DZIP1L: variants seen among roughly 807,000 people sequenced by gnomAD.
The protein encoded by DZIP1L is DAZ interacting zinc finger protein 1 like, also known as cilium assembly protein DZIP1L.
In DZIP1L, 90 loss-of-function variants were observed where a neutral mutation model predicts 88.7. That is an observed-to-expected ratio of 1.02 (90% CI 0.86 to 1.21). The LOEUF is 1.21. DZIP1L is among the 50% of genes most tolerant of loss of function. The probability of loss-of-function intolerance (pLI) is 0.00; values close to 1 mark genes in which losing one functional copy is unlikely to be tolerated. For synonymous variants in DZIP1L, 363 were observed against 372.1 expected, an observed-to-expected ratio of 0.98 and a Z score of 0.28; for missense variants, 932 against 955.8, an observed-to-expected ratio of 0.98 and a Z score of 0.33.
rs537225540 is a variant in DZIP1L at position 138,112,598 on chromosome 3, G to C, written c.-82+2730C>G. 2.6e-5 allele frequency: 4 copies of C among 152,268 alleles called. No individual in the cohort carries two copies. In the South Asian group the frequency reaches 8.3e-4, roughly 32 times the overall value. 9.4% of individuals were successfully genotyped at this position (152,268 alleles called of 1,614,324 possible). A position where few individuals can be genotyped will look rare whatever the true frequency, so the allele number is the denominator to read the frequency against. ...CAAGGACATCGTGCTTTTTTCAGAC[G>C]AATTGTGAGCAGACTGCTTTTCCCA... is the stretch of plus-strand genomic sequence containing the variant. On this transcript the variant is annotated intron_variant, in intron 1 of 15. Transcript: ENST00000327532.
chr3:138,092,862 G>GTCTA (rs1315856483), intron 4 of DZIP1L, among the ~76,000 whole-genome samples: 26 of 152,164 alleles, frequency 1.7e-4, no homozygotes, highest in African/African-American at 5.8e-4. Context: ...CCACTTCTAA[G>GTCTA]TCTAGTTCTC....
chr3:138,097,190 AAAAAGAAAAG>A lies in DZIP1L; in HGVS notation c.586+563_586+572del, dbSNP rs976040573. ...GAGTGAGACCCTGTCTCAAAAAAAAAAAAAGAAAAGAAAAGAAAAGTGAATGTAAAATATG... is the reference window on the plus strand; with the variant it reads ...GAGTGAGACCCTGTCTCAAAAAAAAAAAAAGAAAAGTGAATGTAAAATATG... On this transcript the variant is annotated intron_variant, in intron 3 of 15. Coordinates refer to ENST00000327532, the MANE Select transcript of DZIP1L (RefSeq NM_173543.3). Among the ~76,000 whole-genome samples the A allele has an allele frequency of 1.3e-4, 20 of 152,228 alleles. No homozygotes were observed. The East Asian group carries it at 3.9e-3, about 29-fold the overall frequency.
chr3:138,087,103 C>T (rs2107793271), intron 6 of DZIP1L, 80 bp from the exon 7 acceptor site: 2 of 1,357,768 alleles, frequency 1.5e-6, no homozygotes, highest in South Asian at 1.2e-5. Context: ...GTTAAAAGTA[C>T]TGGCTCATGG....
At chr3:138,088,290 T>C in intron 6 of DZIP1L, 89 bp downstream of exon 6, 4 of 1,459,392 alleles carry the variant, frequency 2.7e-6, no homozygotes, top group Non-Finnish European at 3.6e-6. Context: ...GTCCTTCAAC[T>C]TCTCTACATT....
In DZIP1L at chr3:138,063,701, C is replaced by T. The variant is rs1214929736; in HGVS notation, c.2143-724G>A. On this transcript the variant is annotated intron_variant, in intron 15 of 15. Transcript: ENST00000327532. This position sits in a 1 kb window ranked among gnomAD's most constrained non-coding sequence, Gnocchi z 4.1. ...AGGGCAGCAAGCATGCTCTGAGCGG[C>T]GCCTCAATCTGTTTGGGGCTGTTGG... is the stretch of plus-strand genomic sequence containing the variant. Among the ~76,000 whole-genome samples, 2 of 152,224 alleles carry T rather than the reference C, an allele frequency of 1.3e-5. No individual in the cohort carries two copies. Among genetic ancestry groups the T allele is most frequent in the East Asian group, 1.9e-4 (1 of 5,194 alleles).
intron 14 of DZIP1L, among the ~76,000 whole-genome samples, chr3:138,066,809 A>C (rs1942922787): frequency 6.6e-6 from 1 of 151,532 alleles, no homozygotes; most frequent in Admixed American, 6.6e-5. Flanking sequence ...TTCCCCACAT[A>C]CTACCCTCTC....
chr3:138,064,289 T>C lies in DZIP1L; in HGVS notation c.2142+339A>G, dbSNP rs890578303. 4.6e-6 allele frequency: 5 copies of C among 1,094,802 alleles called. No individual in the cohort carries two copies. The African/African-American group carries it at 8.2e-5, about 18-fold the overall frequency. 67.8% of individuals were successfully genotyped at this position (1,094,802 alleles called of 1,614,324 possible). A position where few individuals can be genotyped will look rare whatever the true frequency, so the allele number is the denominator to read the frequency against. On this transcript the variant is annotated intron_variant, in intron 15 of 15. Transcript: ENST00000327532. ...AGTGAGGGACTGGGGAGGAGCCCAC[T>C]GTGGGATGAGACCGGGCTGGAAGAG...
intron 10 of DZIP1L, among the ~76,000 whole-genome samples, chr3:138,078,712 C>T (rs1943518882): frequency 6.6e-6 from 1 of 152,210 alleles, no homozygotes. Flanking sequence ...TCCTCCCCTA[C>T]CACCCATTCA....
rs1488519692 is a variant in DZIP1L, at chr3:138,103,792, A to T, written c.180T>A (p.Ala60=). The T allele has an allele frequency of 6.2e-7, 1 of 1,614,166 alleles. No individual in the cohort carries two copies. Residue 60 remains alanine, a synonymous_variant, in exon 2 of 16, where the codon GCT becomes GCA. Coordinates refer to ENST00000327532, the MANE Select transcript of DZIP1L (RefSeq NM_173543.3). ...GGTCCAAGTTGCAGAAGGTGATGCCAGCAATATTCTCCTGCAGAGTGGCCA... is the reference window on the plus strand; with the variant it reads ...GGTCCAAGTTGCAGAAGGTGATGCCTGCAATATTCTCCTGCAGAGTGGCCA... ...LDVATLQENI[A]GITFCNLDRE... is the part of the protein sequence containing the mutation.
chr3:138,070,729 C>G (rs897062429), intron 12 of DZIP1L, among the ~76,000 whole-genome samples: 1 of 152,208 alleles, frequency 6.6e-6, no homozygotes, highest in Non-Finnish European at 1.5e-5. Flanking sequence ...GAGCTCAAAT[C>G]GGTTCTTCCT....
chr3:138,092,333 T>C, intron 5 of DZIP1L, 50 bp downstream of exon 5: 1 of 1,471,656 alleles, frequency 6.8e-7, no homozygotes, highest in South Asian at 1.6e-5. Context: ...ATTTTGAGAA[T>C]AAGCAGATTT....
At chr3:138,093,268 A>G (rs1204688988) in intron 4 of DZIP1L, among the ~76,000 whole-genome samples, 2 of 152,174 alleles carry the variant, frequency 1.3e-5, no homozygotes, top group African/African-American at 4.8e-5. Context: ...AACATTGTCA[A>G]TGAGCAGTAA....
chr3:138,083,994 T>C, intron 8 of DZIP1L, 119 bp downstream of exon 8: 1 of 1,407,046 alleles, frequency 7.1e-7, no homozygotes, highest in South Asian at 1.4e-5. Flanking sequence ...CTCTTCTCTC[T>C]CCTTAAGGAG....
chr3:138,084,271 G>C lies in DZIP1L; in HGVS notation c.1063-18C>G, dbSNP rs201604791. The C allele has an allele frequency of 6.2e-7, 1 of 1,611,836 alleles. No individual in the cohort carries two copies. Among genetic ancestry groups the C allele is most frequent in the East Asian group, 2.2e-5 (1 of 44,872 alleles). ...TCCTGTAGCTGGCAGGCACAAGATG[G>C]CTGGTCAGTCAAATGTCTGCAGGGA... On this transcript the variant is annotated intron_variant, in intron 7 of 15. Transcript: ENST00000327532.
chr3:138,083,968 C>G, intron 8 of DZIP1L, 145 bp downstream of exon 8: 1 of 1,178,234 alleles, frequency 8.5e-7, no homozygotes, highest in African/African-American at 1.5e-5. Flanking sequence ...CATTTTGTGC[C>G]CTTCATGCCA....
At chr3:138,067,101 G>C (rs1449165971) in intron 14 of DZIP1L, among the ~76,000 whole-genome samples, 1 of 152,152 alleles carries the variant, frequency 6.6e-6, no homozygotes, top group Non-Finnish European at 1.5e-5. Context: ...CTCAAGTGCG[G>C]GTTGTTCCTC....
At chr3:138,107,877 A>G (rs1300774619) in intron 1 of DZIP1L, among the ~76,000 whole-genome samples, 1 of 152,172 alleles carries the variant, frequency 6.6e-6, no homozygotes, top group Admixed American at 6.5e-5. Context: ...GAGACTGCCT[A>G]CAGGATGCCA....
rs778165680 is a variant in DZIP1L at position 138,068,247 on chromosome 3, C to T, written c.1736G>A (p.Ser579Asn). Residue 579 changes from serine to asparagine, a missense_variant, in exon 13 of 16, where the codon AGC becomes AAC. Physicochemically the swap from Ser to Asn is conservative, Grantham distance 46. Transcript: ENST00000327532. ...CACCTGGGTCAGGCTGGAGCCATGG[C>T]TGCCATGGCTCTGACGAGTTGGTGG... ...PPPPTRQSHG[S>N]HGSSLTQVSA... 4.4e-6 allele frequency: 7 copies of T among 1,594,878 alleles called. No homozygotes were observed. Among genetic ancestry groups the T allele is most frequent in the Non-Finnish European group, 5.1e-6 (6 of 1,169,924 alleles).
intron 2 of DZIP1L, chr3:138,102,410 C>T: frequency 7.3e-7 from 1 of 1,368,412 alleles, no homozygotes; most frequent in Non-Finnish European, 1.0e-6. Flanking sequence ...CCACCCAGCC[C>T]CTGCATGTTG....
Sources: gnomAD v4.1 joint callset for allele counts (sites outside exome capture counted in the v4.1 genomes callset) on GRCh38, gnomAD v4.1.1 for gene constraint, Gnocchi (gnomAD v3.1) non-coding constraint, MANE v1.5 for transcripts, NCBI Gene and HGNC (gene_info 2026-07-23, HGNC 2026-07-21) for gene names.